Variants in MGST1 observed in about 807,000 individuals in gnomAD.
MGST1 encodes glutathione S-transferase 12.
A neutral mutation model predicts 8.9 loss-of-function variants in MGST1; 5 were observed. The observed-to-expected ratio is 0.56, with a 90% CI of 0.29 to 1.19. The LOEUF (loss-of-function observed/expected upper bound fraction) is 1.19. Among genes scored for constraint, MGST1 ranks in the 50% most tolerant of loss-of-function variants. The probability of loss-of-function intolerance (pLI) is 0.08; values close to 1 mark genes in which losing one functional copy is unlikely to be tolerated. For synonymous variants in MGST1, 54 were observed against 67.8 expected (o/e 0.80, Z 1.00); for missense variants, 182 against 187.4 (o/e 0.97, Z 0.17).
chr12:16,586,976 G>T lies in MGST1; in HGVS notation n.483-2552G>T, dbSNP rs1433321479. Among the ~76,000 whole-genome samples, 2 of 152,144 alleles carry T rather than the reference G, an allele frequency of 1.3e-5. No homozygotes were observed. The highest frequency in any genetic ancestry group is 4.8e-5 in the African/African-American group (2 of 41,438). On this transcript the variant is annotated intron_variant and non_coding_transcript_variant, in intron 4 of 4. Transcript: ENST00000538857. The surrounding 1 kb of genome is among the most constrained non-coding windows in gnomAD (Gnocchi z 4.3). ...CATGCTTTATCATCATTCAGTAGCA[G>T]TTTATTCATTAGAACATTCTGTACT...
chr12:16,561,138 A>G (rs1942390889), intron 4 of MGST1, among the ~76,000 whole-genome samples: 1 of 152,192 alleles, frequency 6.6e-6, no homozygotes, highest in African/African-American at 2.4e-5. Flanking sequence ...TAGCTAGACC[A>G]GAAATTGAAG....
intron 4 of MGST1, among the ~76,000 whole-genome samples, chr12:16,494,568 T>C (rs949181691): frequency 2.0e-5 from 3 of 152,158 alleles, no homozygotes; most frequent in Non-Finnish European, 4.4e-5. Flanking sequence ...TAACATTTAG[T>C]TATAATTAAA....
At chr12:16,394,430 C>T (rs1940582092) in intron 1 of MGST1, among the ~76,000 whole-genome samples, 1 of 150,472 alleles carries the variant, frequency 6.6e-6, no homozygotes, top group African/African-American at 2.4e-5. Context: ...CTCTTCCTCC[C>T]TCCCTCCCTC....
At chr12:16,349,836 C>T (rs1350191502) in intron 1 of MGST1, among the ~76,000 whole-genome samples, 1 of 151,510 alleles carries the variant, frequency 6.6e-6, no homozygotes, top group East Asian at 1.9e-4. Flanking sequence ...ACTCCGCTTC[C>T]CGGGTTCACG....
At chr12:16,570,719 T>C (rs192338025) in intron 4 of MGST1, among the ~76,000 whole-genome samples, 1 of 152,290 alleles carries the variant, frequency 6.6e-6, no homozygotes, top group Admixed American at 6.5e-5. Context: ...AACTCACTTG[T>C]TCTGATGTAA....
chr12:16,402,267 A>G lies in MGST1; in HGVS notation n.778+18663A>G, dbSNP rs931699991. The G allele has an allele frequency of 2.4e-5, 38 of 1,588,968 alleles. No homozygotes were observed. In the African/African-American group the frequency reaches 5.0e-4, roughly 21 times the overall value. Reference sequence around the variant, plus strand: ...TTCATAACCAAAGAGCCATGTCTGTAAGGCAGTTGATTTGGAATAAACAAT... The same window carrying G: ...TTCATAACCAAAGAGCCATGTCTGTGAGGCAGTTGATTTGGAATAAACAAT... On this transcript the variant is annotated intron_variant and non_coding_transcript_variant, in intron 1 of 1. Coordinates refer to the MGST1 transcript ENST00000359720.
chr12:16,414,402 T>A lies in MGST1; in HGVS notation n.779-22986T>A, dbSNP rs1411063364. 8.1e-3 allele frequency among the ~76,000 whole-genome samples: 1,205 copies of A among 149,314 alleles called. 20 individuals carry two copies. The highest frequency in any genetic ancestry group is 0.028 in the African/African-American group (1,136 of 40,744). The stretch of plus-strand genomic sequence containing the variant: ...AGGCCTCAAGGTGTTTTTATTTTTT[T>A]TTTTATTTTTTATTTATTTATTTAT... On this transcript the variant is annotated intron_variant and non_coding_transcript_variant, in intron 1 of 1. Coordinates refer to the MGST1 transcript ENST00000359720.
chr12:16,399,565 C>G, intron 1 of MGST1: 1 of 1,594,852 alleles, frequency 6.3e-7, no homozygotes. Flanking sequence ...TCTTCCTCTT[C>G]ATAGTCATCT....
chr12:16,533,724 CAAA>C (rs5796678), intron 4 of MGST1, among the ~76,000 whole-genome samples: 9 of 144,270 alleles, frequency 6.2e-5, no homozygotes, highest in East Asian at 2.0e-4. Context: ...GTGGGGGATG[CAAA>C]AAAAAAAAAA....
At chr12:16,557,367 A>ATTTTTTTTTTTTAAGGTGGCAAGGAT (rs1942230000) in intron 4 of MGST1, among the ~76,000 whole-genome samples, 1 of 142,724 alleles carries the variant, frequency 7.0e-6, no homozygotes, top group Non-Finnish European at 1.5e-5. Context: ...GGTGGCAAGG[A>ATTTTTTTTTTTTAAGGTGGCAAGGAT]TTTTTTTTTT....
chr12:16,446,017 A>G (rs1196551407), intron 4 of MGST1, among the ~76,000 whole-genome samples: 1 of 151,920 alleles, frequency 6.6e-6, no homozygotes, highest in Non-Finnish European at 1.5e-5. Flanking sequence ...GTCAAAACCA[A>G]TTACACATTT....
At position 16,426,504 on chromosome 12, in the gene MGST1, C is replaced by A. The variant is rs138682856; in HGVS notation, n.779-10884C>A. Among the ~76,000 whole-genome samples the A allele has an allele frequency of 7.0e-4, 106 of 152,272 alleles. 2 individuals are homozygous for A. Among genetic ancestry groups the A allele is most frequent in the African/African-American group, 2.5e-3 (104 of 41,558 alleles). ...TTATTATTTAAATTTTTATTGCATT[C>A]ATTCATTCACTTCCTCAATCATCCA... is the stretch of plus-strand genomic sequence containing the variant. On this transcript the variant is annotated intron_variant and non_coding_transcript_variant, in intron 1 of 1. Coordinates refer to the MGST1 transcript ENST00000359720.
chr12:16,580,578 G>T (rs1429930156), intron 4 of MGST1, among the ~76,000 whole-genome samples: 1 of 152,130 alleles, frequency 6.6e-6, no homozygotes, highest in Non-Finnish European at 1.5e-5. Context: ...TCAGGTAGTA[G>T]ATTATATAAA....
At chr12:16,412,961 A>C (rs966667832) in intron 1 of MGST1, among the ~76,000 whole-genome samples, 1 of 152,168 alleles carries the variant, frequency 6.6e-6, no homozygotes, top group Non-Finnish European at 1.5e-5. Context: ...CTCTTGATTC[A>C]AGAAGGACTC....
rs146938039 is a variant in MGST1, at chr12:16,472,290, C to T, written n.482+88686C>T. On this transcript the variant is annotated intron_variant and non_coding_transcript_variant, in intron 4 of 4. Transcript: ENST00000538857. ...AAAAAAAACAAATCTTTGTAAATTA[C>T]TGTCAAATTACAAGTACCACTACTG... Among the ~76,000 whole-genome samples, 659 of 152,232 alleles carry T rather than the reference C, an allele frequency of 4.3e-3. 5 individuals carry two copies. The highest frequency in any genetic ancestry group is 0.015 in the African/African-American group (631 of 41,544).
downstream of MGST1, among the ~76,000 whole-genome samples, chr12:16,591,513 G>A (rs1055053098): frequency 1.2e-4 from 17 of 137,344 alleles, no homozygotes; most frequent in African/African-American, 4.4e-4. This position sits in a 1 kb window ranked among gnomAD's most constrained non-coding sequence, Gnocchi z 4.1. Context: ...AACTCTACAA[G>A]GGGAGCAGGT....
chr12:16,477,351 TA>T (rs1262780957), intron 4 of MGST1, among the ~76,000 whole-genome samples: 2 of 152,140 alleles, frequency 1.3e-5, no homozygotes, highest in Admixed American at 1.3e-4. Context: ...ATAGATAGCC[TA>T]AAAAATGACA....
At chr12:16,386,856 G>C (rs763765807) in intron 1 of MGST1, among the ~76,000 whole-genome samples, 1 of 152,108 alleles carries the variant, frequency 6.6e-6, no homozygotes, top group Non-Finnish European at 1.5e-5. Flanking sequence ...AACTCCATCC[G>C]GCCTGGGATG....
intron 3 of MGST1, among the ~76,000 whole-genome samples, chr12:16,370,683 A>T (rs978750098): frequency 3.3e-5 from 5 of 152,166 alleles, no homozygotes; most frequent in African/African-American, 9.7e-5. Context: ...TAGTTTTGCC[A>T]CTGATACACA....
Sources: gnomAD v4.1 joint callset for allele counts (sites outside exome capture counted in the v4.1 genomes callset) on GRCh38, gnomAD v4.1.1 for gene constraint, Gnocchi (gnomAD v3.1) non-coding constraint, MANE v1.5 for transcripts, NCBI Gene and HGNC (gene_info 2026-07-23, HGNC 2026-07-21) for gene names.